NBEAL1: variants seen among roughly 807,000 people sequenced by gnomAD.
The protein encoded by NBEAL1 is neurobeachin like 1.
In NBEAL1, 273 loss-of-function variants were observed where a neutral mutation model predicts 351.3. The observed-to-expected ratio is 0.78, with a 90% CI of 0.70 to 0.86. The LOEUF (loss-of-function observed/expected upper bound fraction) is 0.86, where lower values mean the gene tolerates loss of function less well. NBEAL1 is among the 40% of genes least tolerant of loss of function. NBEAL1 has a pLI of 0.00. For synonymous variants in NBEAL1, 1,050 were observed against 1,086.4 expected (o/e 0.97, Z 0.66); for missense variants, 2,961 against 3,201.3 (o/e 0.92, Z 1.81).
At chr2:203,189,470 G>A (rs2065003705) in intron 45 of NBEAL1, among the ~76,000 whole-genome samples, 1 of 152,040 alleles carries the variant, frequency 6.6e-6, no homozygotes, top group South Asian at 2.1e-4. Context: ...AGTGCAACCT[G>A]GAACTCCTGG....
chr2:203,192,622 G>A (rs543313970), intron 46 of NBEAL1, among the ~76,000 whole-genome samples: 2 of 152,194 alleles, frequency 1.3e-5, no homozygotes, highest in South Asian at 4.2e-4. Context: ...CTGACCTCAG[G>A]TGATCTGCCT....
Position 203,136,218 on chromosome 2 carries a change from T to G in NBEAL1, c.4355T>G (p.Phe1452Cys). The G allele has an allele frequency of 6.3e-6, 10 of 1,593,936 alleles. No individual in the cohort carries two copies. The highest frequency in any genetic ancestry group is 8.5e-6 in the Non-Finnish European group (10 of 1,174,228). ...AGCAGCATCACAAATGATATGGGCT[T>G]TAGTGATGACTTCTCTTTACTTGAA... ...RESSITNDMG[F>C]SDDFSLLESQ... The change falls in exon 28 of 56, where the codon TTT (phenylalanine) becomes TGT (cysteine). Residue 1452 changes from phenylalanine (F) to cysteine (C), a missense_variant. Physicochemically the swap from Phe to Cys is radical, Grantham distance 205. Transcript: ENST00000683969.
intron 2 of NBEAL1, among the ~76,000 whole-genome samples, chr2:203,030,929 C>T (rs1204916818): frequency 1.3e-5 from 2 of 152,160 alleles, no homozygotes; most frequent in East Asian, 3.8e-4. Flanking sequence ...GTGTGAGGAT[C>T]ACTCGAACCC....
chr2:203,188,396 C>A (rs926189857), intron 44 of NBEAL1, 76 bp from the exon 45 acceptor site: 1 of 774,532 alleles, frequency 1.3e-6, no homozygotes, highest in Non-Finnish European at 1.9e-6. Flanking sequence ...TTTGTCCTTA[C>A]TTTTTTAAAG....
intron 18 of NBEAL1, among the ~76,000 whole-genome samples, chr2:203,119,530 A>AT (rs1574998043): frequency 6.9e-6 from 1 of 144,508 alleles, no homozygotes; most frequent in East Asian, 2.0e-4. Flanking sequence ...GGTTCAAGCG[A>AT]TTCTCCTGCC....
At chr2:203,096,286 A>G (rs1431864128) in intron 10 of NBEAL1, among the ~76,000 whole-genome samples, 1 of 152,204 alleles carries the variant, frequency 6.6e-6, no homozygotes, top group Non-Finnish European at 1.5e-5. Context: ...ATATCAATTT[A>G]TTGTTATGTT....
chr2:203,105,855 A>G (rs74524723), intron 12 of NBEAL1, among the ~76,000 whole-genome samples: 2,095 of 152,294 alleles, frequency 0.014, 20 homozygotes, highest in Non-Finnish European at 0.023. Flanking sequence ...GGATACTTTT[A>G]AGTGGTTCTG....
intron 43 of NBEAL1, among the ~76,000 whole-genome samples, chr2:203,180,738 C>T (rs1575094012): frequency 6.6e-6 from 1 of 152,106 alleles, no homozygotes; most frequent in Middle Eastern, 3.4e-3. Flanking sequence ...GAGAATTTAT[C>T]AGACTACAGT....
chr2:203,209,790 G>T (rs1473935605), intron 53 of NBEAL1, among the ~76,000 whole-genome samples: 2 of 150,716 alleles, frequency 1.3e-5, no homozygotes, highest in Non-Finnish European at 2.9e-5. Flanking sequence ...AAGCTGGAGT[G>T]CAGTGGCGCA....
At chr2:203,133,015 A>G in intron 26 of NBEAL1, 43 bp from the exon 27 acceptor site, 1 of 828,132 alleles carries the variant, frequency 1.2e-6, no homozygotes, top group African/African-American at 1.8e-5. Flanking sequence ...TTCTTTGGTT[A>G]TCTCTGGTAT....
Position 203,049,890 on chromosome 2 carries a change from T to A in NBEAL1, c.220T>A (p.Cys74Ser), listed in dbSNP as rs1159354664. ...GGTTCTGAGGATCCAGCTTCTACAG[T>A]GTGTTCAGAAAATGGCAGATGGGTT... ...LQVLRIQLLQ[C>S]VQKMADGLEE... Residue 74 changes from cysteine to serine, a missense_variant, in exon 4 of 56, where the codon TGT becomes AGT. Cys to Ser is a moderately radical substitution (Grantham distance 112). Transcript: ENST00000683969. 7 of 1,557,096 alleles carry A rather than the reference T, an allele frequency of 4.5e-6. No homozygotes were observed. The highest frequency in any genetic ancestry group is 6.1e-6 in the Non-Finnish European group (7 of 1,148,510).
rs186115803 is a variant in NBEAL1, at chr2:203,032,881, T to C, written c.52-8884T>C. Among the ~76,000 whole-genome samples the C allele has an allele frequency of 5.0e-3, 762 of 151,250 alleles. 7 individuals are homozygous for C. Among genetic ancestry groups the C allele is most frequent in the African/African-American group, 0.018 (724 of 41,326 alleles). ...GTTTTCATTATGTTGGCCAGGCTGG[T>C]CTCGAACTCCTGACCTCGGGTGATC... On this transcript the variant is annotated intron_variant, in intron 2 of 55. Coordinates refer to ENST00000683969, the MANE Select transcript of NBEAL1 (RefSeq NM_001378026.1).
At chr2:203,190,209 C>T (rs2065030874) in intron 45 of NBEAL1, 83 bp from the exon 46 acceptor site, 2 of 619,748 alleles carry the variant, frequency 3.2e-6, no homozygotes, top group African/African-American at 4.2e-5. Flanking sequence ...CACACACACA[C>T]CAATGAGCCT....
At chr2:203,173,807 TACAA>T (rs2064398355) in intron 41 of NBEAL1, among the ~76,000 whole-genome samples, 1 of 152,118 alleles carries the variant, frequency 6.6e-6, no homozygotes, top group South Asian at 2.1e-4. Flanking sequence ...TTTGCATAGA[TACAA>T]ATGGCTTTGA....
intron 51 of NBEAL1, among the ~76,000 whole-genome samples, chr2:203,207,597 TG>T (rs2065644426): frequency 6.6e-6 from 1 of 152,248 alleles, no homozygotes; most frequent in African/African-American, 2.4e-5. Flanking sequence ...GGGATCCTGT[TG>T]ATCTGTGACC....
At position 203,224,942 on chromosome 2, in the gene NBEAL1, TAA is replaced by T. The variant is rs1328335184; in HGVS notation, c.*7589_*7590del. ...CCTCATCCTTTTAAAATTAAATATA[TAA>T]GATGTATGTTTTGTTTTATTACATT... is the stretch of plus-strand genomic sequence containing the variant. On this transcript the variant is annotated 3_prime_UTR_variant, in exon 56 of 56. Transcript: ENST00000683969. Among the ~76,000 whole-genome samples, 1 of 152,188 alleles carries T rather than the reference TAA, an allele frequency of 6.6e-6. No individual in the cohort carries two copies. The highest frequency in any genetic ancestry group is 1.5e-5 in the Non-Finnish European group (1 of 68,010).
intron 2 of NBEAL1, among the ~76,000 whole-genome samples, chr2:203,017,999 T>C (rs2060707513): frequency 6.6e-6 from 1 of 152,104 alleles, no homozygotes; most frequent in Non-Finnish European, 1.5e-5. Flanking sequence ...TTCACTTGTT[T>C]TCAAAGAATA....
chr2:203,137,977 C>T (rs2063261431), intron 29 of NBEAL1, among the ~76,000 whole-genome samples, 185 bp from the exon 30 acceptor site: 1 of 143,868 alleles, frequency 7.0e-6, no homozygotes, highest in Non-Finnish European at 1.5e-5. Context: ...AGAGCGATCT[C>T]TGCACTCCGT....
Position 203,165,101 on chromosome 2 carries a change from T to C in NBEAL1, c.5715-1048T>C, listed in dbSNP as rs182325957. On this transcript the variant is annotated intron_variant, in intron 36 of 55. Coordinates refer to ENST00000683969, the MANE Select transcript of NBEAL1 (RefSeq NM_001378026.1). ...GTCTTGAACTCCCGACCTCAGGTGA[T>C]CCGTCCATCTCTGCCTCCCAAAGTG... is the stretch of plus-strand genomic sequence containing the variant. Among the ~76,000 whole-genome samples the C allele has an allele frequency of 6.7e-3, 1,022 of 152,276 alleles. 8 individuals are homozygous for C. Among genetic ancestry groups the C allele is most frequent in the Non-Finnish European group, 0.01 (693 of 68,014 alleles).
Sources: gnomAD v4.1 joint callset for allele counts (sites outside exome capture counted in the v4.1 genomes callset) on GRCh38, gnomAD v4.1.1 for gene constraint, MANE v1.5 for transcripts, NCBI Gene and HGNC (gene_info 2026-07-23, HGNC 2026-07-21) for gene names.